Variants in NID1 observed in about 807,000 individuals in gnomAD.
NID1 encodes nidogen 1.
Under a neutral mutation model 130.6 loss-of-function variants are expected in NID1, and 76 were observed. That is an observed-to-expected ratio of 0.58 (90% CI 0.48 to 0.70). The LOEUF is 0.70. Among genes scored for constraint, NID1 ranks in the 30% least tolerant of loss-of-function variants. The pLI is 0.00. For missense variants in NID1, 1,517 were observed against 1,664.8 expected (o/e 0.91, Z 1.54); for synonymous variants, 665 against 675.1 (o/e 0.98, Z 0.23).
chr1:236,033,537 C>T (rs1659161864), intron 5 of NID1, among the ~76,000 whole-genome samples: 1 of 152,190 alleles, frequency 6.6e-6, no homozygotes, highest in Admixed American at 6.6e-5. Context: ...GAGTCACCGC[C>T]CAGGCTACAC....
intron 4 of NID1, among the ~76,000 whole-genome samples, chr1:236,039,358 C>T (rs957375379): frequency 5.3e-5 from 8 of 151,410 alleles, no homozygotes; most frequent in Admixed American, 4.6e-4. Context: ...GGACTGCAGG[C>T]GGGTGCCATT....
intron 1 of NID1, among the ~76,000 whole-genome samples, chr1:236,062,161 T>G (rs1660055721): frequency 6.6e-6 from 1 of 152,212 alleles, no homozygotes; most frequent in Non-Finnish European, 1.5e-5. Flanking sequence ...AGACACCTTT[T>G]TATGGCCGAT....
At chr1:236,064,635 G>T in intron 1 of NID1, 1 of 586,998 alleles carries the variant, frequency 1.7e-6, no homozygotes, top group South Asian at 1.7e-5. Flanking sequence ...GGCGCGCGGA[G>T]CCACCCAGAC....
intron 2 of NID1, among the ~76,000 whole-genome samples, chr1:236,048,134 C>A (rs971288810): frequency 6.7e-6 from 1 of 149,990 alleles, no homozygotes; most frequent in Non-Finnish European, 1.5e-5. Flanking sequence ...GAGATAGAGA[C>A]CATCCTGGCT....
chr1:236,034,986 TTC>T (rs1491048466), intron 5 of NID1, among the ~76,000 whole-genome samples: 11 of 114,348 alleles, frequency 9.6e-5, no homozygotes, highest in African/African-American at 2.7e-4. Context: ...TTTTTTTTCT[TTC>T]TTTCTTTCTT....
At chr1:236,052,914 T>C (rs983146342) in intron 1 of NID1, among the ~76,000 whole-genome samples, 1 of 152,188 alleles carries the variant, frequency 6.6e-6, no homozygotes, top group African/African-American at 2.4e-5. Flanking sequence ...AATGAATGAA[T>C]GAATGAATAC....
intron 6 of NID1, among the ~76,000 whole-genome samples, chr1:236,030,252 A>G (rs1287497858): frequency 6.6e-6 from 1 of 152,114 alleles, no homozygotes. Flanking sequence ...AAACCATCCT[A>G]GGATCACCTG....
Position 236,011,924 on chromosome 1 carries a change from C to T in NID1, c.2524G>A (p.Gly842Arg), listed in dbSNP as rs748613998. 1.5e-5 allele frequency: 25 copies of T among 1,613,672 alleles called. No individual in the cohort carries two copies. Among genetic ancestry groups the T allele is most frequent in the African/African-American group, 5.3e-5 (4 of 74,930 alleles). The stretch of plus-strand genomic sequence containing the variant: ...TCCAGATGTCCCACCACCTTACCTC[C>T]GGGCACGCAACGGAAGCCGTCTCCC... ...YQGDGFRCVPGEVEKTRCQHE... is the reference protein window; with the variant it reads ...YQGDGFRCVPREVEKTRCQHE... The change falls in exon 12 of 20, where the codon GGA becomes AGA. Residue 842 changes from glycine to arginine, a missense_variant. By Grantham distance (125) the Gly-to-Arg change is moderately radical (BLOSUM62 -2). Coordinates refer to ENST00000264187, the MANE Select transcript of NID1 (RefSeq NM_002508.3).
chr1:236,009,554 T>C (rs1307344135), intron 12 of NID1, among the ~76,000 whole-genome samples: 1 of 152,244 alleles, frequency 6.6e-6, no homozygotes. Context: ...CTTTCTTATG[T>C]ATGTACATAA....
intron 1 of NID1, among the ~76,000 whole-genome samples, chr1:236,062,528 G>A (rs1660067999): frequency 6.6e-6 from 1 of 151,628 alleles, no homozygotes; most frequent in Non-Finnish European, 1.5e-5. Flanking sequence ...CAGCTACTCG[G>A]GAGGCTGAGG....
At chr1:236,048,281 G>A (rs1034604172) in intron 2 of NID1, among the ~76,000 whole-genome samples, 1 of 151,866 alleles carries the variant, frequency 6.6e-6, no homozygotes, top group African/African-American at 2.4e-5. Flanking sequence ...CTTGCAGTGA[G>A]CCAAGATCGT....
intron 2 of NID1, among the ~76,000 whole-genome samples, chr1:236,046,915 G>A (rs543267584): frequency 6.6e-6 from 1 of 152,314 alleles, no homozygotes; most frequent in South Asian, 2.1e-4. Context: ...GGGAAGGGAA[G>A]AGGTATGGTC....
rs375973144 is a variant in NID1, at chr1:235,991,036, C to T, written c.2778G>A (p.Pro926=). ...TPPCLSTVAP[P]IHQGPAVPTA... ...TAGGCACCGCAGGTCCTTGGTGAAT[C>T]GGGGGAGCCACTGTACTCAGACCTG... The change falls in exon 14 of 20, where the codon CCG becomes CCA. Residue 926 remains proline, a synonymous_variant. Transcript: ENST00000264187. 232 of 1,603,018 alleles carry T rather than the reference C, an allele frequency of 1.4e-4. No individual in the cohort carries two copies. The highest frequency in any genetic ancestry group is 1.8e-4 in the South Asian group (16 of 89,104).
Position 235,993,891 on chromosome 1 carries a change from A to G in NID1, c.2528-19T>C, listed in dbSNP as rs757061409. ...TCCACCTCTATCAGAGAAACAGGCAACAAGAAAGCTGTCAGGTGCGTCATC... is the reference window on the plus strand; with the variant it reads ...TCCACCTCTATCAGAGAAACAGGCAGCAAGAAAGCTGTCAGGTGCGTCATC... On this transcript the variant is annotated intron_variant, in intron 12 of 19. Transcript: ENST00000264187. The G allele has an allele frequency of 2.5e-6, 4 of 1,597,210 alleles. No individual in the cohort carries two copies. The Admixed American group carries it at 5.0e-5, about 20-fold the overall frequency.
Position 236,048,707 on chromosome 1 carries a change from G to A in NID1, c.508C>T (p.Pro170Ser). 1 of 1,611,224 alleles carries A rather than the reference G, an allele frequency of 6.2e-7. No individual in the cohort carries two copies. The highest frequency in any genetic ancestry group is 8.5e-7 in the Non-Finnish European group (1 of 1,179,732). The change falls in exon 2 of 20, where the codon CCA becomes TCA. Residue 170 changes from proline (P) to serine (S), a missense_variant. Around this residue, in one of 3 missense-constraint regions of NID1, gnomAD observed 1,329 missense variants for 1,429.2 expected, o/e 0.93. Transcript: ENST00000264187. The stretch of plus-strand genomic sequence containing the variant: ...GAGCTTACCTTGCCTTTCTGGTCTG[G>A]GTCCCTGCTGGGCCCTTGGTAGGGG... Reference protein sequence around the residue: ...VAPYQGPSRDPDQKGKRNTFQ... With the variant: ...VAPYQGPSRDSDQKGKRNTFQ...
chr1:236,038,363 G>A, intron 4 of NID1, 110 bp from the exon 5 acceptor site: 2 of 1,128,780 alleles, frequency 1.8e-6, no homozygotes, highest in Admixed American at 2.5e-5. Context: ...ACCTGCATGG[G>A]CAATTCAAGG....
chr1:236,052,384 T>C (rs913830725), intron 1 of NID1, among the ~76,000 whole-genome samples: 1 of 152,048 alleles, frequency 6.6e-6, no homozygotes, highest in Admixed American at 6.6e-5. Flanking sequence ...TCAGGCACAA[T>C]CCCCAAGGGC....
Position 235,994,157 on chromosome 1 carries a change from A to G in NID1, c.2528-285T>C, listed in dbSNP as rs114602066. Among the ~76,000 whole-genome samples the G allele has an allele frequency of 6.2e-3, 951 of 152,364 alleles. 13 individuals are homozygous for G. The highest frequency in any genetic ancestry group is 0.022 in the African/African-American group (923 of 41,598). Reference sequence around the variant, plus strand: ...AATGAAGCAAATTGATAGAACATACAGTGAACCTTTTTTTACTTTTTTGCG... The same window carrying G: ...AATGAAGCAAATTGATAGAACATACGGTGAACCTTTTTTTACTTTTTTGCG... On this transcript the variant is annotated intron_variant, in intron 12 of 19. Coordinates refer to ENST00000264187, the MANE Select transcript of NID1 (RefSeq NM_002508.3).
chr1:236,032,355 G>T, intron 6 of NID1, 46 bp downstream of exon 6: 1 of 1,596,790 alleles, frequency 6.3e-7, no homozygotes, highest in East Asian at 2.2e-5. Context: ...CCTCCCCCTA[G>T]GCACTACTGT....
Sources: gnomAD v4.1 joint callset for allele counts (sites outside exome capture counted in the v4.1 genomes callset) on GRCh38, gnomAD v4.1.1 for gene constraint, gnomAD v4.1.1 regional missense constraint, MANE v1.5 for transcripts, NCBI Gene and HGNC (gene_info 2026-07-23, HGNC 2026-07-21) for gene names.